The following SAMD12 variants were observed in gnomAD, a reference collection of about 807,000 sequenced individuals.
SAMD12 encodes sterile alpha motif domain containing 12, also known as sterile alpha motif domain-containing protein 12.
Under a neutral mutation model 15.0 loss-of-function variants are expected in SAMD12, and 9 were observed. The observed-to-expected ratio is 0.60, with a 90% CI of 0.36 to 1.05. SAMD12 has a LOEUF of 1.05. SAMD12 is among the 50% of genes least tolerant of loss of function. SAMD12 has a pLI of 0.01. For missense variants in SAMD12, 230 were observed against 234.2 expected, an observed-to-expected ratio of 0.98 and a Z score of 0.12; for synonymous variants, 86 against 90.1, an observed-to-expected ratio of 0.96 and a Z score of 0.25.
intron 3 of SAMD12, among the ~76,000 whole-genome samples, chr8:118,384,453 T>C (rs1261180213): frequency 1.3e-5 from 2 of 152,164 alleles, no homozygotes; most frequent in African/African-American, 4.8e-5. Context: ...GGTGTCTTTG[T>C]ACTGGGGTGG....
At chr8:118,267,733 G>T (rs930429676) in intron 4 of SAMD12, among the ~76,000 whole-genome samples, 5 of 150,474 alleles carry the variant, frequency 3.3e-5, no homozygotes, top group African/African-American at 1.2e-4. Context: ...GTGTGTGTGT[G>T]TATTTAAAGA....
At chr8:118,367,339 A>C (rs1178484451) in intron 4 of SAMD12, among the ~76,000 whole-genome samples, 1 of 152,220 alleles carries the variant, frequency 6.6e-6, no homozygotes, top group Non-Finnish European at 1.5e-5. Flanking sequence ...CAATGTTCTA[A>C]ATCAACTGAC....
At position 118,311,297 on chromosome 8, in the gene SAMD12, G is replaced by A. The variant is rs192800156; in HGVS notation, c.433+68263C>T. Reference sequence around the variant, plus strand: ...CATATACATTTGAGAGCAAGGGTTAGCAAACTATGGCCTGTGGCCAAATCT... The same window carrying A: ...CATATACATTTGAGAGCAAGGGTTAACAAACTATGGCCTGTGGCCAAATCT... On this transcript the variant is annotated intron_variant, in intron 4 of 4. Coordinates refer to the SAMD12 transcript ENST00000409003. Among the ~76,000 whole-genome samples the A allele has an allele frequency of 3.9e-5, 6 of 152,370 alleles. No homozygotes were observed. The East Asian group carries it at 1.2e-3, about 29-fold the overall frequency.
downstream of SAMD12, among the ~76,000 whole-genome samples, chr8:118,186,657 C>A (rs890793812): frequency 3.3e-5 from 5 of 151,538 alleles, no homozygotes; most frequent in Non-Finnish European, 7.4e-5. Context: ...ATTATCATAT[C>A]CCTTTTTCTT....
chr8:118,554,232 A>G (rs1209121710), intron 2 of SAMD12, among the ~76,000 whole-genome samples: 1 of 152,174 alleles, frequency 6.6e-6, no homozygotes, highest in East Asian at 1.9e-4. Context: ...ACACATGCAC[A>G]CGTATGTTTA....
intron 4 of SAMD12, among the ~76,000 whole-genome samples, chr8:118,257,866 T>C (rs1812988130): frequency 6.6e-6 from 1 of 152,138 alleles, no homozygotes; most frequent in African/African-American, 2.4e-5. Context: ...TAGACACTGA[T>C]CCCTTTTTTA....
chr8:118,292,256 TATAACCAA>T, intron 4 of SAMD12, among the ~76,000 whole-genome samples: 1 of 150,712 alleles, frequency 6.6e-6, no homozygotes, highest in Admixed American at 6.7e-5. Context: ...AACTCACTCT[TATAACCAA>T]ACACCACCTG....
intron 2 of SAMD12, among the ~76,000 whole-genome samples, chr8:118,469,502 T>A (rs1413783530): frequency 1.0e-4 from 1 of 9,858 alleles, no homozygotes; most frequent in African/African-American, 1.6e-4. Flanking sequence ...TATATATATT[T>A]TTATATAATA....
chr8:118,384,269 T>C (rs577253210), intron 3 of SAMD12, among the ~76,000 whole-genome samples: 1 of 152,200 alleles, frequency 6.6e-6, no homozygotes, highest in East Asian at 1.9e-4. Flanking sequence ...AGAGAGGACT[T>C]TGGATTTTAC....
At chr8:118,219,803 C>A (rs1349900689) in intron 4 of SAMD12, among the ~76,000 whole-genome samples, 1 of 152,164 alleles carries the variant, frequency 6.6e-6, no homozygotes, top group Non-Finnish European at 1.5e-5. Context: ...GTCCTGACAC[C>A]AGCTTAATAT....
intron 2 of SAMD12, among the ~76,000 whole-genome samples, chr8:118,472,349 T>A (rs1345897342): frequency 2.7e-5 from 4 of 150,896 alleles, no homozygotes; most frequent in African/African-American, 9.8e-5. Context: ...TGTTGTCAGG[T>A]GTGGTAATGG....
intron 1 of SAMD12, among the ~76,000 whole-genome samples, chr8:118,614,828 A>G (rs1342740251): frequency 6.6e-6 from 1 of 152,208 alleles, no homozygotes; most frequent in Non-Finnish European, 1.5e-5. Flanking sequence ...TTGCACCCAC[A>G]CTTTAGAAAA....
the SAMD12 span, among the ~76,000 whole-genome samples, chr8:118,175,683 T>C: frequency 1.4e-4 from 21 of 152,008 alleles, no homozygotes; most frequent in African/African-American, 4.8e-4. Context: ...GCAAAGGACA[T>C]GAAAAGACAC....
chr8:118,467,892 CAAGATCAA>C (rs1433887220), intron 2 of SAMD12, among the ~76,000 whole-genome samples: 1 of 152,138 alleles, frequency 6.6e-6, no homozygotes, highest in Admixed American at 6.5e-5. Context: ...AAGGCTTTGA[CAAGATCAA>C]AAGACTCATG....
intron 4 of SAMD12, among the ~76,000 whole-genome samples, chr8:118,244,927 A>G (rs1164523880): frequency 6.6e-6 from 1 of 152,156 alleles, no homozygotes; most frequent in African/African-American, 2.4e-5. Flanking sequence ...CTGAAGGTCT[A>G]CAGACAACTT....
chr8:118,287,946 AG>A (rs1242932851), intron 4 of SAMD12, among the ~76,000 whole-genome samples: 1 of 152,158 alleles, frequency 6.6e-6, no homozygotes, highest in Non-Finnish European at 1.5e-5. Context: ...TGACATGGAA[AG>A]CTTCTGCTTT....
chr8:118,493,886 C>A (rs1824523453), intron 2 of SAMD12, among the ~76,000 whole-genome samples: 1 of 152,150 alleles, frequency 6.6e-6, no homozygotes, highest in African/African-American at 2.4e-5. Context: ...TCAGATCATG[C>A]CTCACTATCC....
intron 4 of SAMD12, among the ~76,000 whole-genome samples, chr8:118,231,721 G>A (rs1265490117): frequency 3.9e-5 from 6 of 152,140 alleles, no homozygotes; most frequent in Admixed American, 3.3e-4. Context: ...GTAGGAAAGA[G>A]GCTACCTGTC....
intron 2 of SAMD12, among the ~76,000 whole-genome samples, chr8:118,558,814 C>A (rs1165671235): frequency 1.3e-5 from 2 of 152,116 alleles, no homozygotes; most frequent in Admixed American, 1.3e-4. Flanking sequence ...GCCTCAGCCT[C>A]CGAAAGTGCT....
Sources: allele counts gnomAD v4.1 joint callset (sites outside exome capture counted in the v4.1 genomes callset), GRCh38; gene constraint gnomAD v4.1.1; transcripts MANE v1.5; gene names NCBI Gene and HGNC (gene_info 2026-07-23, HGNC 2026-07-21).